The following SCNN1B variants were observed in gnomAD, a reference collection of about 807,000 sequenced individuals.
SCNN1B encodes the protein sodium channel epithelial 1 subunit beta, also known as epithelial sodium channel subunit beta.
A neutral mutation model predicts 65.3 loss-of-function variants in SCNN1B; 46 were observed. That is an observed-to-expected ratio of 0.70 (90% CI 0.56 to 0.90). The LOEUF is 0.90. Among genes scored for constraint, SCNN1B ranks in the 40% least tolerant of loss-of-function variants. The pLI, the probability that SCNN1B is intolerant of heterozygous loss-of-function variation, is 0.00. For synonymous variants in SCNN1B, 349 were observed against 330.6 expected (o/e 1.06, Z -0.60); for missense variants, 751 against 830.5 (o/e 0.90, Z 1.18).
upstream of SCNN1B, among the ~76,000 whole-genome samples, chr16:23,297,478 G>A (rs1961014348): frequency 6.6e-6 from 1 of 152,192 alleles, no homozygotes; most frequent in South Asian, 2.1e-4. Context: ...TGTGCAGGAG[G>A]TAGGGCTAAC....
chr16:23,376,768 A>AG (rs1962906796), intron 8 of SCNN1B, among the ~76,000 whole-genome samples: 1 of 151,768 alleles, frequency 6.6e-6, no homozygotes, highest in South Asian at 2.1e-4. Context: ...AAAGAAAGAA[A>AG]GAAAAAAAAA....
chr16:23,371,789 G>T lies in SCNN1B; in HGVS notation c.1058G>T (p.Arg353Leu), dbSNP rs755499367. ...CTCTAAACACAGGACAAGCTTCAGC[G>T]CATGGGGGAGCCCTACAGCCCGTGC... ...SIGVLVDKLQRMGEPYSPCTV... is the reference protein window; with the variant it reads ...SIGVLVDKLQLMGEPYSPCTV... Residue 353 changes from arginine to leucine, a missense_variant, in exon 7 of 13, where the codon CGC becomes CTC. By Grantham distance (102) the Arg-to-Leu change is moderately radical. Transcript: ENST00000343070. 6.2e-7 allele frequency: 1 copy of T among 1,614,108 alleles called. No homozygotes were observed. The highest frequency in any genetic ancestry group is 8.5e-7 in the Non-Finnish European group (1 of 1,179,904).
At chr16:23,323,410 G>C (rs762993067) in intron 1 of SCNN1B, 102 of 616,862 alleles carry the variant, frequency 1.7e-4, no homozygotes, top group Non-Finnish European at 2.7e-4. Flanking sequence ...CCAGCATGTG[G>C]TTGCATGGGT....
chr16:23,305,524 AATATATATATTATATATATAT>A (rs1448159221), intron 1 of SCNN1B, among the ~76,000 whole-genome samples: 318 of 4,864 alleles, frequency 0.065, 18 homozygotes, highest in Middle Eastern at 0.17. Flanking sequence ...ATCTCTACCA[AATATATATATTATATATATAT>A]ATATATATAT....
chr16:23,368,118 G>A (rs1174975188), intron 5 of SCNN1B, among the ~76,000 whole-genome samples, 159 bp downstream of exon 5: 1 of 152,202 alleles, frequency 6.6e-6, no homozygotes, highest in Non-Finnish European at 1.5e-5. Context: ...GCCAGGGGAG[G>A]CCAGGCCAGG....
At chr16:23,309,569 C>T (rs1057383891) in intron 1 of SCNN1B, among the ~76,000 whole-genome samples, 3 of 152,120 alleles carry the variant, frequency 2.0e-5, no homozygotes, top group Non-Finnish European at 4.4e-5. Flanking sequence ...ACTTGGAGTC[C>T]GATGTTTGAA....
At chr16:23,303,986 A>G in intron 1 of SCNN1B, 1 of 1,147,664 alleles carries the variant, frequency 8.7e-7, no homozygotes, top group Non-Finnish European at 1.3e-6. Context: ...GAGCCCTCTC[A>G]TCACCAGTTA....
intron 1 of SCNN1B, chr16:23,304,158 T>G: frequency 7.5e-7 from 1 of 1,341,574 alleles, no homozygotes; most frequent in Non-Finnish European, 1.0e-6. Flanking sequence ...AAGTTCAATT[T>G]ATTTTTCTTT....
chr16:23,380,260 G>C lies in SCNN1B; in HGVS notation c.1542+91G>C. On this transcript the variant is annotated intron_variant, in intron 12 of 12. Coordinates refer to ENST00000343070, the MANE Select transcript of SCNN1B (RefSeq NM_000336.3). The surrounding 1 kb of genome is among the most constrained non-coding windows in gnomAD (Gnocchi z 5.4). The stretch of plus-strand genomic sequence containing the variant: ...GGGAAGGGTTCTGAGCCCTATGAAG[G>C]AATTAGGAAGATCCCTAAGACAGTC... 2.0e-6 allele frequency: 3 copies of C among 1,493,618 alleles called. No homozygotes were observed. Among genetic ancestry groups the C allele is most frequent in the Non-Finnish European group, 2.8e-6 (3 of 1,071,430 alleles). 92.5% of individuals were successfully genotyped at this position (1,493,618 alleles called of 1,614,324 possible).
At position 23,322,907 on chromosome 16, in the gene SCNN1B, G is replaced by A. The variant is rs557811228; in HGVS notation, c.-9+20470G>A. Among the ~76,000 whole-genome samples, 9 of 152,056 alleles carry A rather than the reference G, an allele frequency of 5.9e-5. No homozygotes were observed. In the South Asian group the frequency reaches 1.0e-3, roughly 18 times the overall value. ...AGAAAATATTCTGAGGGCTGGGCAC[G>A]GTGGCTCACGCCTGTAATCTGTAAC... On this transcript the variant is annotated intron_variant, in intron 1 of 12. Transcript: ENST00000343070.
At chr16:23,318,585 G>A (rs1005784626) in intron 1 of SCNN1B, among the ~76,000 whole-genome samples, 2 of 152,126 alleles carry the variant, frequency 1.3e-5, no homozygotes, top group African/African-American at 4.8e-5. Flanking sequence ...CTCCAGCCAG[G>A]GCAATAGACT....
rs4967995 is a variant in SCNN1B, at chr16:23,286,696, A to G, written n.178+2892A>G. Among the ~76,000 whole-genome samples, 1,340 of 152,346 alleles carry G rather than the reference A, an allele frequency of 8.8e-3. 68 individuals are homozygous for G. Among genetic ancestry groups the G allele is most frequent in the Admixed American group, 0.079 (1,206 of 15,294 alleles). On this transcript the variant is annotated intron_variant and non_coding_transcript_variant, in intron 2 of 3. Transcript: ENST00000569789. ...CTAGAAGGTAGACCATTCTACCAGCAAGACAATGGTCCTAGTTGCTTCAAC... is the reference window on the plus strand; with the variant it reads ...CTAGAAGGTAGACCATTCTACCAGCGAGACAATGGTCCTAGTTGCTTCAAC...
chr16:23,357,744 T>C (rs1018691964), intron 4 of SCNN1B, among the ~76,000 whole-genome samples: 1 of 152,202 alleles, frequency 6.6e-6, no homozygotes, highest in Non-Finnish European at 1.5e-5. Context: ...GATGGCGCCC[T>C]GCTGATGGGA....
intron 3 of SCNN1B, among the ~76,000 whole-genome samples, chr16:23,354,683 A>T (rs1479167784): frequency 6.6e-6 from 1 of 152,164 alleles, no homozygotes; most frequent in Non-Finnish European, 1.5e-5. Context: ...TCTCTGGCAG[A>T]GGCTGGAAAA....
In SCNN1B at chr16:23,378,847, G is replaced by C. The variant is rs1257890199; in HGVS notation, c.1466+80G>C. 3 of 1,300,168 alleles carry C rather than the reference G, an allele frequency of 2.3e-6. No homozygotes were observed. The African/African-American group carries it at 4.4e-5, about 19-fold the overall frequency. The allele number at this position is 1,300,168 out of a possible 1,614,324, so 80.5% of individuals were successfully genotyped here. A position where few individuals can be genotyped will look rare whatever the true frequency, so the allele number is the denominator to read the frequency against. On this transcript the variant is annotated intron_variant, in intron 11 of 12. Coordinates refer to ENST00000343070, the MANE Select transcript of SCNN1B (RefSeq NM_000336.3). ...GGGGCAGGAGTTTGGACACAGGACA[G>C]CTCCTCAGACACATTCTCACATGGG...
chr16:23,296,652 GT>G (rs965837217), intron 2 of SCNN1B, among the ~76,000 whole-genome samples: 1 of 152,164 alleles, frequency 6.6e-6, no homozygotes. Flanking sequence ...CAGCTGGCGT[GT>G]TTTGGTCACA....
In SCNN1B at chr16:23,360,141, T is replaced by G. The variant is rs12918501; in HGVS notation, c.776+4652T>G. Among the ~76,000 whole-genome samples, 28 of 151,994 alleles carry G rather than the reference T, an allele frequency of 1.8e-4. 1 individual carries two copies. The East Asian group carries it at 2.3e-3, about 13-fold the overall frequency. ...TGAACCCAGGAGGCAGAGGTTGCAG[T>G]GAGCTGAGATCATGCCACTGCACTC... On this transcript the variant is annotated intron_variant, in intron 4 of 12. Transcript: ENST00000343070.
chr16:23,316,378 C>A (rs554103027), intron 1 of SCNN1B, among the ~76,000 whole-genome samples: 2 of 148,988 alleles, frequency 1.3e-5, no homozygotes, highest in East Asian at 3.9e-4. Flanking sequence ...CCATCACCAT[C>A]CTCACCATCA....
At chr16:23,319,673 T>C (rs980041701) in intron 1 of SCNN1B, among the ~76,000 whole-genome samples, 1 of 152,230 alleles carries the variant, frequency 6.6e-6, no homozygotes, top group African/African-American at 2.4e-5. Flanking sequence ...TACTGCTGCC[T>C]GGCCCTTTCC....
Sources: gnomAD v4.1 joint callset for allele counts (sites outside exome capture counted in the v4.1 genomes callset) on GRCh38, gnomAD v4.1.1 for gene constraint, Gnocchi (gnomAD v3.1) non-coding constraint, MANE v1.5 for transcripts, NCBI Gene and HGNC (gene_info 2026-07-23, HGNC 2026-07-21) for gene names.